The following AGR3 variants were observed in gnomAD, a reference collection of about 807,000 sequenced individuals.
AGR3 encodes the protein anterior gradient 3, protein disulphide isomerase family member, also known as anterior gradient protein 3.
In AGR3, 37 loss-of-function variants were observed where a neutral mutation model predicts 24.5. The ratio of observed to expected loss-of-function variants is 1.51; its 90% confidence interval spans 1.16 to 1.99. AGR3 has a LOEUF of 1.99. Among genes scored for constraint, AGR3 ranks in the 30% most tolerant of loss-of-function variants. The pLI, the probability that AGR3 is intolerant of heterozygous loss-of-function variation, is 0.00. For synonymous variants in AGR3, 75 were observed against 61.6 expected (o/e 1.22, Z -1.02); for missense variants, 228 against 191.1 (o/e 1.19, Z -1.14).
chr7:16,876,513 C>G (rs1781989225), intron 2 of AGR3, among the ~76,000 whole-genome samples: 1 of 151,964 alleles, frequency 6.6e-6, no homozygotes, highest in African/African-American at 2.4e-5. Flanking sequence ...TTAACTAGTG[C>G]TGCCCTGTGC....
intron 7 of AGR3, 94 bp downstream of exon 7, chr7:16,860,406 T>G (rs566381383): frequency 1.1e-6 from 1 of 911,156 alleles, no homozygotes; most frequent in Admixed American, 1.8e-5. Flanking sequence ...CAGTGACTGG[T>G]GTGTAGAAGC....
chr7:16,873,905 T>C, intron 2 of AGR3, 62 bp from the exon 3 acceptor site: 1 of 1,220,584 alleles, frequency 8.2e-7, no homozygotes, highest in Admixed American at 1.7e-5. Flanking sequence ...CGGAAATGGG[T>C]ATCTAATAAT....
chr7:16,871,799 G>A (rs1478137783), intron 3 of AGR3, among the ~76,000 whole-genome samples: 2 of 151,958 alleles, frequency 1.3e-5, no homozygotes, highest in African/African-American at 4.8e-5. Context: ...CTGAGATCGC[G>A]CCACTGTACT....
rs1200634847 is a variant in AGR3, at chr7:16,861,918, GA to G, written c.303+65del. On this transcript the variant is annotated intron_variant, in intron 5 of 7. Transcript: ENST00000310398. ...TCTGTCTAAAAAAAAAAAAAAAAAA[GA>G]AAAAAACGGATTCAAAATTTCCATG... 2.2e-5 allele frequency: 20 copies of G among 922,900 alleles called. No individual in the cohort carries two copies. The East Asian group carries it at 5.4e-4, about 25-fold the overall frequency. The allele number at this position is 922,900 out of a possible 1,614,324, so 57.2% of individuals were successfully genotyped here.
chr7:16,873,042 G>A (rs1781914844), intron 3 of AGR3, among the ~76,000 whole-genome samples: 1 of 152,050 alleles, frequency 6.6e-6, no homozygotes, highest in Non-Finnish European at 1.5e-5. Flanking sequence ...AACATATAGA[G>A]GATTCTCAGA....
chr7:16,862,169 G>A (rs1279917464), intron 4 of AGR3, 109 bp from the exon 5 acceptor site: 7 of 827,568 alleles, frequency 8.5e-6, no homozygotes, highest in South Asian at 4.9e-5. Context: ...TATAACTCAG[G>A]TGTAAATATT....
chr7:16,862,582 A>C, intron 4 of AGR3, 28 bp downstream of exon 4: 2 of 1,402,504 alleles, frequency 1.4e-6, no homozygotes, highest in Non-Finnish European at 1.9e-6. Flanking sequence ...ATTATATATT[A>C]TAATAAGATA....
At chr7:16,865,304 A>G (rs1781734380) in intron 3 of AGR3, 21 of 1,111,590 alleles carry the variant, frequency 1.9e-5, no homozygotes, top group Non-Finnish European at 2.7e-5. Flanking sequence ...TGTTTATTGC[A>G]CTTCTCATAT....
intron 3 of AGR3, among the ~76,000 whole-genome samples, chr7:16,871,244 C>T (rs1781858203): frequency 6.6e-6 from 1 of 152,184 alleles, no homozygotes; most frequent in African/African-American, 2.4e-5. Context: ...GTTTATACAA[C>T]ATACTCAAAA....
At chr7:16,871,480 A>C (rs1781862643) in intron 3 of AGR3, among the ~76,000 whole-genome samples, 1 of 152,186 alleles carries the variant, frequency 6.6e-6, no homozygotes, top group Admixed American at 6.6e-5. Flanking sequence ...ATGCAAAACC[A>C]GTAGCATTTC....
At chr7:16,880,513 T>TCCCCTCCTCTTC (rs1782093209) in intron 1 of AGR3, among the ~76,000 whole-genome samples, 1 of 23,268 alleles carries the variant, frequency 4.3e-5, no homozygotes, top group African/African-American at 1.7e-4. Flanking sequence ...CCCTCCTCTT[T>TCCCCTCCTCTTC]CCCCTCCTCT....
chr7:16,863,006 G>A (rs1387392376), intron 3 of AGR3, among the ~76,000 whole-genome samples: 5 of 152,260 alleles, frequency 3.3e-5, no homozygotes, highest in Admixed American at 2.6e-4. Flanking sequence ...AGGAGGTGAG[G>A]TTGCGGTGAG....
At chr7:16,860,204 C>A (rs189877998) in intron 7 of AGR3, among the ~76,000 whole-genome samples, 5 of 152,286 alleles carry the variant, frequency 3.3e-5, no homozygotes, top group Non-Finnish European at 7.4e-5. Flanking sequence ...CACATGAGAT[C>A]TTTGATACTA....
intron 5 of AGR3, among the ~76,000 whole-genome samples, 164 bp from the exon 6 acceptor site, chr7:16,861,611 A>G (rs1352329850): frequency 6.6e-6 from 1 of 152,164 alleles, no homozygotes; most frequent in Non-Finnish European, 1.5e-5. Flanking sequence ...AAAAATAGAA[A>G]AAAAGGAGGC....
chr7:16,864,349 G>A, intron 3 of AGR3: 4 of 1,347,128 alleles, frequency 3.0e-6, no homozygotes, highest in Non-Finnish European at 4.3e-6. Flanking sequence ...CTGGCTGGCA[G>A]GCAGTTCACT....
At chr7:16,859,929 T>A (rs571967339) in intron 7 of AGR3, among the ~76,000 whole-genome samples, 25 of 152,128 alleles carry the variant, frequency 1.6e-4, no homozygotes, top group African/African-American at 5.3e-4. Flanking sequence ...GGCACAGTTG[T>A]CTTATTAAAT....
rs4472406 is a variant in AGR3, at chr7:16,873,896, G to T, written c.110-53C>A. On this transcript the variant is annotated intron_variant, in intron 2 of 7. Transcript: ENST00000310398. ...GTAACCCAGAACTAGAGAAGAGCTC[G>T]GAAATGGGTATCTAATAATCAGATA... 70 of 1,374,544 alleles carry T rather than the reference G, an allele frequency of 5.1e-5. 1 individual carries two copies. The highest frequency in any genetic ancestry group is 3.6e-4 in the Middle Eastern group (2 of 5,584). The allele number at this position is 1,374,544 out of a possible 1,614,324, so 85.1% of individuals were successfully genotyped here. A position where few individuals can be genotyped will look rare whatever the true frequency, so the allele number is the denominator to read the frequency against.
intron 2 of AGR3, among the ~76,000 whole-genome samples, chr7:16,876,492 G>A (rs6943844): frequency 0.93 from 141,390 of 151,946 alleles, 66,337 homozygotes; most frequent in Non-Finnish European, 1. Context: ...TCTCCTTACT[G>A]CCTTCTCTAC....
chr7:16,878,933 C>T (rs1055651537), intron 1 of AGR3, among the ~76,000 whole-genome samples: 14 of 152,148 alleles, frequency 9.2e-5, no homozygotes, highest in African/African-American at 2.7e-4. Flanking sequence ...GCTTCTGAAC[C>T]GCCCTGTAGT....
Sources: gnomAD v4.1 joint callset for allele counts (sites outside exome capture counted in the v4.1 genomes callset) on GRCh38, gnomAD v4.1.1 for gene constraint, MANE v1.5 for transcripts, NCBI Gene and HGNC (gene_info 2026-07-23, HGNC 2026-07-21) for gene names.